ITGA2: variants seen among roughly 807,000 people sequenced by gnomAD.
ITGA2 encodes integrin subunit alpha 2, also known as integrin alpha-2.
Under a neutral mutation model 146.3 loss-of-function variants are expected in ITGA2, and 101 were observed. The ratio of observed to expected loss-of-function variants is 0.69; its 90% CI spans 0.59 to 0.81. The LOEUF (loss-of-function observed/expected upper bound fraction) is 0.81, where lower values mean the gene tolerates loss of function less well. Ranked by LOEUF, ITGA2 falls within the 40% of genes least tolerant of loss-of-function variation. The pLI, the probability that ITGA2 is intolerant of heterozygous loss-of-function variation, is 0.00. For missense variants in ITGA2, 1,281 were observed against 1,402.7 expected (o/e 0.91, Z 1.39); for synonymous variants, 477 against 487.1 (o/e 0.98, Z 0.27).
chr5:53,062,807 G>C lies in ITGA2; in HGVS notation c.1480G>C (p.Val494Leu). 6.2e-7 allele frequency: 1 copy of C among 1,611,724 alleles called. No homozygotes were observed. Among genetic ancestry groups the C allele is most frequent in the Non-Finnish European group, 8.5e-7 (1 of 1,178,386 alleles). The change falls in exon 13 of 30, where the codon GTG becomes CTG. Residue 494 changes from valine to leucine, a missense_variant. This residue lies in a region of ITGA2 where 795 missense variants were observed against 841.7 expected (regional missense o/e 0.94). Coordinates refer to ENST00000296585, the MANE Select transcript of ITGA2 (RefSeq NM_002203.4). ...GDQIGSYFGS[V>L]LCSVDVDKDT... is the part of the protein sequence containing the mutation. ...CCAGATTGGCTCCTATTTTGGTAGT[G>C]TGCTGTGTTCAGTTGATGTGGATAA...
chr5:53,086,537 G>C (rs1746164674), intron 27 of ITGA2, among the ~76,000 whole-genome samples: 1 of 152,152 alleles, frequency 6.6e-6, no homozygotes, highest in African/African-American at 2.4e-5. Context: ...AGTATACAAA[G>C]ATGCCAAGTT....
chr5:53,020,349 T>A (rs1742618580), intron 1 of ITGA2, among the ~76,000 whole-genome samples: 1 of 152,156 alleles, frequency 6.6e-6, no homozygotes, highest in Non-Finnish European at 1.5e-5. Context: ...TTCCATGGAA[T>A]TGAAGTGTTA....
At chr5:53,018,930 G>A (rs1742532626) in intron 1 of ITGA2, among the ~76,000 whole-genome samples, 1 of 152,014 alleles carries the variant, frequency 6.6e-6, no homozygotes, top group African/African-American at 2.4e-5. Context: ...AGGGCGTGGT[G>A]GTACACGCCT....
intron 1 of ITGA2, among the ~76,000 whole-genome samples, chr5:52,994,982 G>A (rs886328101): frequency 7.2e-5 from 11 of 152,148 alleles, no homozygotes; most frequent in African/African-American, 2.4e-4. Flanking sequence ...CTGGAGTACA[G>A]TTTCTACCTT....
Position 53,026,778 on chromosome 5 carries a change from T to C in ITGA2, c.95T>C (p.Val32Ala). The change falls in exon 2 of 30, where the codon GTT (valine) becomes GCT (alanine). Residue 32 changes from valine (V) to alanine (A), a missense_variant. Physicochemically the swap from Val to Ala is moderately conservative, Grantham distance 64. Transcript: ENST00000296585. ...GILNCCLAYN[V>A]GLPEAKIFSG... is the part of the protein sequence containing the mutation. ...TTAAATTGTTGTTTGGCCTACAATGTTGGTCTCCCAGAAGCAAAAATATTT... is the reference window on the plus strand; with the variant it reads ...TTAAATTGTTGTTTGGCCTACAATGCTGGTCTCCCAGAAGCAAAAATATTT... 2 of 1,612,328 alleles carry C rather than the reference T, an allele frequency of 1.2e-6. No individual in the cohort carries two copies. Among genetic ancestry groups the C allele is most frequent in the East Asian group, 2.2e-5 (1 of 44,814 alleles).
chr5:53,090,595 G>C lies in ITGA2; in HGVS notation c.3542G>C (p.Ser1181Thr). The change falls in exon 30 of 30, where the codon AGC becomes ACC. Residue 1181 changes from serine (S) to threonine (T), a missense_variant. By Grantham distance (58) the Ser-to-Thr change is moderately conservative. Around this residue, in one of 3 missense-constraint regions of ITGA2, gnomAD observed 475 missense variants for 530.5 expected, o/e 0.90. Coordinates refer to ENST00000296585, the MANE Select transcript of ITGA2 (RefSeq NM_002203.4). Reference protein sequence around the residue: ...DEIDETTELSS With the variant: ...DEIDETTELST ...ATTGATGAGACCACAGAGCTCAGTA[G>C]CTGAACCAGCAGACCTACCTGCAGT... is the stretch of plus-strand genomic sequence containing the variant. 1 of 1,613,632 alleles carries C rather than the reference G, an allele frequency of 6.2e-7. No homozygotes were observed. The highest frequency in any genetic ancestry group is 8.5e-7 in the Non-Finnish European group (1 of 1,179,580).
At chr5:53,079,565 A>G (rs1745817531) in intron 24 of ITGA2, among the ~76,000 whole-genome samples, 3 of 152,154 alleles carry the variant, frequency 2.0e-5, no homozygotes, top group South Asian at 4.1e-4. Flanking sequence ...GAATTTATCC[A>G]CTATCCTAAG....
chr5:53,062,746 A>G (rs775491774), intron 12 of ITGA2, 40 bp from the exon 13 acceptor site: 4 of 1,593,046 alleles, frequency 2.5e-6, no homozygotes, highest in South Asian at 2.2e-5. Context: ...AAGTATATGA[A>G]TCCTAGGAAT....
intron 1 of ITGA2, among the ~76,000 whole-genome samples, chr5:53,020,655 CTTATTT>C (rs1014974229): frequency 4.0e-5 from 6 of 151,044 alleles, no homozygotes; most frequent in Admixed American, 2.6e-4. Context: ...TATCCTGATT[CTTATTT>C]TTATTTTATT....
Position 53,077,828 on chromosome 5 carries a change from GA to G in ITGA2, c.2826-940del, listed in dbSNP as rs372842290. Among the ~76,000 whole-genome samples the G allele has an allele frequency of 1.8e-3, 275 of 152,116 alleles. 3 individuals carry two copies. In the Middle Eastern group the frequency reaches 0.024, roughly 13 times the overall value. On this transcript the variant is annotated intron_variant, in intron 23 of 29. Transcript: ENST00000296585. ...AAGAAACCCAAAAAATTCTACTTCA[GA>G]AAATATCCACCCCAAGTTTTTAAGA... is the stretch of plus-strand genomic sequence containing the variant.
At chr5:53,043,417 T>G (rs866975606) in intron 3 of ITGA2, among the ~76,000 whole-genome samples, 3 of 152,294 alleles carry the variant, frequency 2.0e-5, no homozygotes, top group African/African-American at 4.8e-5. Flanking sequence ...TAAAAATAAA[T>G]TTTAAAGAAT....
chr5:53,045,038 C>T lies in ITGA2; in HGVS notation c.333C>T (p.Thr111=), dbSNP rs763361814. 2 of 1,613,818 alleles carry T rather than the reference C, an allele frequency of 1.2e-6. No individual in the cohort carries two copies. The highest frequency in any genetic ancestry group is 1.1e-5 in the South Asian group (1 of 91,068). The change falls in exon 4 of 30, where the codon ACC becomes ACT. Residue 111 remains threonine, a synonymous_variant. Transcript: ENST00000296585. ...TSIPNVTEMK[T]NMSLGLILTR... Reference sequence around the variant, plus strand: ...TTCCAAATGTTACTGAGATGAAAACCAACATGAGCCTCGGCTTGATCCTCA... The same window carrying T: ...TTCCAAATGTTACTGAGATGAAAACTAACATGAGCCTCGGCTTGATCCTCA...
chr5:53,018,232 G>A (rs1237025914), intron 1 of ITGA2, among the ~76,000 whole-genome samples: 1 of 152,178 alleles, frequency 6.6e-6, no homozygotes, highest in Non-Finnish European at 1.5e-5. Flanking sequence ...GGCCTTGAGG[G>A]ATGGGCGTTC....
intron 1 of ITGA2, among the ~76,000 whole-genome samples, chr5:53,012,741 C>T (rs542416369): frequency 6.6e-6 from 1 of 152,120 alleles, no homozygotes; most frequent in East Asian, 1.9e-4. Context: ...GATCCCTTTT[C>T]TCTACAACCT....
At chr5:53,070,006 C>A (rs1320967723) in intron 16 of ITGA2, 103 bp from the exon 17 acceptor site, 1 of 905,062 alleles carries the variant, frequency 1.1e-6, no homozygotes, top group Admixed American at 2.0e-5. Flanking sequence ...TCCATATTTT[C>A]TTGATGTGAG....
chr5:53,039,082 G>A (rs962805488), intron 2 of ITGA2, among the ~76,000 whole-genome samples: 1 of 152,068 alleles, frequency 6.6e-6, no homozygotes, highest in African/African-American at 2.4e-5. Flanking sequence ...GACAAAAGAC[G>A]AGACCATCTC....
intron 16 of ITGA2, among the ~76,000 whole-genome samples, chr5:53,068,698 C>T (rs1376631033): frequency 2.0e-5 from 3 of 151,784 alleles, no homozygotes; most frequent in Non-Finnish European, 4.4e-5. Flanking sequence ...GCTCATTTGT[C>T]ACTTCATTGC....
chr5:53,026,214 A>G (rs1475051413), intron 1 of ITGA2, among the ~76,000 whole-genome samples: 1 of 152,214 alleles, frequency 6.6e-6, no homozygotes, highest in African/African-American at 2.4e-5. Flanking sequence ...CCTTTGATGT[A>G]GTCATCAATG....
chr5:52,991,471 A>G (rs1740951593), intron 1 of ITGA2, among the ~76,000 whole-genome samples: 5 of 152,164 alleles, frequency 3.3e-5, no homozygotes, highest in Non-Finnish European at 7.4e-5. Context: ...CAATTGCATC[A>G]TATCACATAC....
Sources: allele counts gnomAD v4.1 joint callset (sites outside exome capture counted in the v4.1 genomes callset), GRCh38; gene constraint gnomAD v4.1.1; regional missense constraint gnomAD v4.1.1; transcripts MANE v1.5; gene names NCBI Gene and HGNC (gene_info 2026-07-23, HGNC 2026-07-21).